GPHN: variants seen among roughly 807,000 people sequenced by gnomAD.
GPHN encodes gephyrin.
Under a neutral mutation model 95.5 loss-of-function variants are expected in GPHN, and 17 were observed. The observed-to-expected ratio is 0.18, with a 90% CI of 0.12 to 0.27. The LOEUF (loss-of-function observed/expected upper bound fraction) is 0.27. Among genes scored for constraint, GPHN ranks in the 10% least tolerant of loss-of-function variants. The probability of loss-of-function intolerance (pLI) is 1.00; values close to 1 mark genes in which losing one functional copy is unlikely to be tolerated. For missense variants in GPHN, 660 were observed against 978.1 expected (o/e 0.67, Z 4.34); for synonymous variants, 320 against 322.5 (o/e 0.99, Z 0.08).
At chr14:66,589,220 G>T (rs1186884564) in intron 1 of GPHN, among the ~76,000 whole-genome samples, 2 of 152,090 alleles carry the variant, frequency 1.3e-5, no homozygotes, top group Non-Finnish European at 2.9e-5. Context: ...CCTCACAAGA[G>T]CTCCTGATGG....
chr14:67,658,523 G>A, the GPHN span, among the ~76,000 whole-genome samples: 5 of 152,176 alleles, frequency 3.3e-5, no homozygotes, highest in Non-Finnish European at 7.3e-5. Flanking sequence ...AGTGAACCCG[G>A]GAGGTGGAGC....
At chr14:67,411,901 G>T in the GPHN span, 1 of 932,480 alleles carries the variant, frequency 1.1e-6, no homozygotes, top group Non-Finnish European at 1.6e-6. Flanking sequence ...CCACCATGGG[G>T]GTTGGGGATG....
At chr14:67,308,124 T>C in the GPHN span, among the ~76,000 whole-genome samples, 2 of 151,800 alleles carry the variant, frequency 1.3e-5, no homozygotes, top group Non-Finnish European at 1.5e-5. Flanking sequence ...AAGTAACTAA[T>C]GGGTACTAGG....
At position 66,562,955 on chromosome 14, in the gene GPHN, G is replaced by A. The variant is rs576753695; in HGVS notation, c.64+54364G>A. Among the ~76,000 whole-genome samples, 25 of 152,020 alleles carry A rather than the reference G, an allele frequency of 1.6e-4. No individual in the cohort carries two copies. In the South Asian group the frequency reaches 2.1e-3, roughly 13 times the overall value. On this transcript the variant is annotated intron_variant, in intron 1 of 22. Coordinates refer to ENST00000478722, the MANE Select transcript of GPHN (RefSeq NM_020806.5). ...AAAATAATCCTTATGCGAAAGTGGC[G>A]TATTTTGGGGTGGCATACTCTGAAT...
intron 10 of GPHN, among the ~76,000 whole-genome samples, chr14:67,047,220 G>A (rs567834839): frequency 3.5e-4 from 53 of 151,992 alleles, no homozygotes; most frequent in South Asian, 4.2e-4. Flanking sequence ...GTTTCTTGAG[G>A]TTCTGAATTT....
chr14:67,653,021 C>T, the GPHN span, among the ~76,000 whole-genome samples: 1 of 152,126 alleles, frequency 6.6e-6, no homozygotes, highest in Non-Finnish European at 1.5e-5. Context: ...GAACTCCTGA[C>T]CTTGTGATCT....
intron 5 of GPHN, among the ~76,000 whole-genome samples, chr14:66,903,033 C>T (rs1275551668): frequency 6.6e-6 from 1 of 152,052 alleles, no homozygotes; most frequent in African/African-American, 2.4e-5. Context: ...CATACACCCT[C>T]CCAAGACTAA....
the GPHN span, among the ~76,000 whole-genome samples, chr14:67,290,152 T>A: frequency 6.6e-6 from 1 of 152,192 alleles, no homozygotes; most frequent in African/African-American, 2.4e-5. Context: ...TTTACAGGTT[T>A]AATTTTAGTC....
intron 9 of GPHN, among the ~76,000 whole-genome samples, chr14:67,015,103 C>G (rs1341022457): frequency 1.3e-5 from 2 of 152,144 alleles, no homozygotes; most frequent in African/African-American, 4.8e-5. Context: ...AAATAAGGAA[C>G]TCACCAAGTT....
chr14:67,094,968 A>G (rs1368076873), intron 12 of GPHN, among the ~76,000 whole-genome samples: 1 of 152,234 alleles, frequency 6.6e-6, no homozygotes, highest in Non-Finnish European at 1.5e-5. Flanking sequence ...CATGTAGCCT[A>G]GTTGTATAAT....
chr14:67,274,730 G>A, the GPHN span, among the ~76,000 whole-genome samples: 370 of 151,912 alleles, frequency 2.4e-3, no homozygotes, highest in African/African-American at 7.4e-3. Flanking sequence ...CCATTTTCAC[G>A]ATATTGATTC....
chr14:66,914,055 A>G (rs2065797999), intron 5 of GPHN, among the ~76,000 whole-genome samples: 1 of 149,574 alleles, frequency 6.7e-6, no homozygotes, highest in African/African-American at 2.5e-5. Context: ...CAAAATAGTA[A>G]AAAAAAAAAT....
chr14:66,560,624 G>A (rs942902089), intron 1 of GPHN, among the ~76,000 whole-genome samples: 5 of 152,180 alleles, frequency 3.3e-5, no homozygotes, highest in African/African-American at 1.2e-4. Flanking sequence ...TTGCTTATCA[G>A]CTTAAGGAGA....
At chr14:66,577,809 T>C (rs896098186) in intron 1 of GPHN, among the ~76,000 whole-genome samples, 16 of 152,170 alleles carry the variant, frequency 1.1e-4, no homozygotes, top group Middle Eastern at 3.4e-3. Flanking sequence ...AATTTTACCA[T>C]ATGGCCTACA....
At chr14:66,896,515 A>G (rs765545259) in intron 5 of GPHN, among the ~76,000 whole-genome samples, 1 of 152,026 alleles carries the variant, frequency 6.6e-6, no homozygotes, top group Non-Finnish European at 1.5e-5. Context: ...GGGAAACTGA[A>G]GTGAAAGAAT....
At chr14:66,929,548 C>G (rs948437058) in intron 8 of GPHN, among the ~76,000 whole-genome samples, 16 of 151,932 alleles carry the variant, frequency 1.1e-4, no homozygotes, top group African/African-American at 1.5e-4. Flanking sequence ...TGAATTGATT[C>G]CTTTATCATT....
chr14:66,726,405 G>A (rs1410523530), intron 2 of GPHN, among the ~76,000 whole-genome samples: 1 of 152,152 alleles, frequency 6.6e-6, no homozygotes, highest in Non-Finnish European at 1.5e-5. Flanking sequence ...GATGTGTTCT[G>A]ATAAAAGTCT....
chr14:67,345,882 C>CA, the GPHN span: 1 of 1,561,838 alleles, frequency 6.4e-7, no homozygotes, highest in South Asian at 1.1e-5. Context: ...CTGAAAGGAC[C>CA]AGTCAGACAA....
rs896796821 is a variant in GPHN at position 66,842,537 on chromosome 14, G to C, written c.294+17971G>C. On this transcript the variant is annotated intron_variant, in intron 4 of 22. Transcript: ENST00000478722. The stretch of plus-strand genomic sequence containing the variant: ...CTGCCTAAACTTTTCCCATAACTCA[G>C]AAATGGTTTCATTCTGAGGAAGGGA... 5 of 619,132 alleles carry C rather than the reference G, an allele frequency of 8.1e-6. No individual in the cohort carries two copies. In the African/African-American group the frequency reaches 9.3e-5, roughly 12 times the overall value. 38.4% of individuals were successfully genotyped at this position (619,132 alleles called of 1,614,324 possible). A position where few individuals can be genotyped will look rare whatever the true frequency, so the allele number is the denominator to read the frequency against.
Sources: gnomAD v4.1 joint callset for allele counts (sites outside exome capture counted in the v4.1 genomes callset) on GRCh38, gnomAD v4.1.1 for gene constraint, MANE v1.5 for transcripts, NCBI Gene and HGNC (gene_info 2026-07-23, HGNC 2026-07-21) for gene names.